STK33: variants seen among roughly 807,000 people sequenced by gnomAD.
STK33 encodes serine/threonine kinase 33.
In STK33, 52 loss-of-function variants were observed where a neutral mutation model predicts 58.0. That is an observed-to-expected ratio of 0.90 (90% CI 0.72 to 1.13). The LOEUF (loss-of-function observed/expected upper bound fraction) is 1.13, where lower values mean the gene tolerates loss of function less well. STK33 is among the 50% of genes most tolerant of loss of function. The probability of loss-of-function intolerance (pLI) is 0.00; values close to 1 mark genes in which losing one functional copy is unlikely to be tolerated. For synonymous variants in STK33, 215 were observed against 200.1 expected (o/e 1.07, Z -0.63); for missense variants, 630 against 604.2 (o/e 1.04, Z -0.45).
At chr11:8,467,197 G>C (rs948523293) in intron 6 of STK33, 3 of 152,214 alleles carry the variant, frequency 2.0e-5, no homozygotes, top group African/African-American at 7.2e-5. Flanking sequence ...TCTGCAGCCA[G>C]CTTGAATTTC....
intron 1 of STK33, among the ~76,000 whole-genome samples, chr11:8,508,446 A>G (rs1010238626): frequency 6.6e-6 from 1 of 151,546 alleles, no homozygotes; most frequent in Non-Finnish European, 1.5e-5. Flanking sequence ...GAATTTTTTA[A>G]TTTATTGCAG....
intron 11 of STK33, among the ~76,000 whole-genome samples, chr11:8,443,518 T>C (rs1185959407): frequency 2.0e-5 from 3 of 151,740 alleles, no homozygotes; most frequent in African/African-American, 7.3e-5. Flanking sequence ...AAAACACTTA[T>C]AAATAATTTT....
At chr11:8,469,269 T>C (rs1174071085) in intron 6 of STK33, among the ~76,000 whole-genome samples, 1 of 152,256 alleles carries the variant, frequency 6.6e-6, no homozygotes, top group Non-Finnish European at 1.5e-5. Flanking sequence ...GTTTATGTGA[T>C]ATTCTAAATT....
chr11:8,369,367 A>C, the STK33 span, among the ~76,000 whole-genome samples: 1 of 148,948 alleles, frequency 6.7e-6, no homozygotes, highest in African/African-American at 2.5e-5. Context: ...GTGCTATACG[A>C]TGGCACAGGC....
At chr11:8,506,505 T>C (rs920008381) in intron 1 of STK33, among the ~76,000 whole-genome samples, 3 of 152,182 alleles carry the variant, frequency 2.0e-5, no homozygotes, top group South Asian at 4.2e-4. Flanking sequence ...CATTCCTTTC[T>C]GGAGGCTTTA....
chr11:8,454,098 A>G (rs1030361212), intron 10 of STK33, among the ~76,000 whole-genome samples: 1 of 152,264 alleles, frequency 6.6e-6, no homozygotes, highest in African/African-American at 2.4e-5. Flanking sequence ...TGGGTAAACC[A>G]ACAATGCTGT....
intron 14 of STK33, among the ~76,000 whole-genome samples, chr11:8,415,073 C>T (rs1234195389): frequency 3.3e-5 from 5 of 151,986 alleles, no homozygotes; most frequent in African/African-American, 1.2e-4. Flanking sequence ...CCCTATGATC[C>T]ATCTCTCCTC....
intron 15 of STK33, among the ~76,000 whole-genome samples, chr11:8,397,401 C>G (rs1486317153): frequency 6.6e-6 from 1 of 152,210 alleles, no homozygotes; most frequent in Admixed American, 6.5e-5. Flanking sequence ...AGGTGAGGGT[C>G]CTGACTGTTA....
At position 8,461,804 on chromosome 11, in the gene STK33, C is replaced by G. The variant is rs1947556508; in HGVS notation, c.558+1G>C. 1.9e-6 allele frequency: 3 copies of G among 1,574,420 alleles called. No individual in the cohort carries two copies. In the African/African-American group the frequency reaches 4.1e-5, roughly 22 times the overall value. On this transcript the variant is annotated splice_donor_variant, in intron 8 of 15. Transcript: ENST00000687296. LOFTEE classifies it high-confidence loss of function. ...AAATGCAGCGCCTAATAGAGGTTTACCTTTGGCGTTTCAAATACTTGTTCC... is the reference window on the plus strand; with the variant it reads ...AAATGCAGCGCCTAATAGAGGTTTAGCTTTGGCGTTTCAAATACTTGTTCC...
intron 14 of STK33, among the ~76,000 whole-genome samples, chr11:8,432,258 A>G (rs2136184048): frequency 6.6e-6 from 1 of 152,334 alleles, no homozygotes; most frequent in South Asian, 2.1e-4. Flanking sequence ...GAACTTGTTA[A>G]AAATGTAAAT....
downstream of STK33, among the ~76,000 whole-genome samples, chr11:8,389,813 C>T (rs372407773): frequency 1.3e-5 from 2 of 152,254 alleles, no homozygotes; most frequent in East Asian, 1.9e-4. Flanking sequence ...ACACAACATT[C>T]CTACTCAAAA....
chr11:8,567,402 C>T (rs1172893018), intron 1 of STK33: 1 of 152,090 alleles, frequency 6.6e-6, no homozygotes, highest in Non-Finnish European at 1.5e-5. Context: ...CAGTTCAGTG[C>T]TATAATATTA....
rs187927316 is a variant in STK33, at chr11:8,493,456, C to G, written c.-465-12842G>C. ...GCTCTGAAATTGAGGCAATAATAAA[C>G]AGCCTACCAACCAAAAAATGTCCAG... On this transcript the variant is annotated intron_variant, in intron 1 of 15. Coordinates refer to ENST00000687296, the MANE Select transcript of STK33 (RefSeq NM_001352389.2). Among the ~76,000 whole-genome samples the G allele has an allele frequency of 7.9e-5, 12 of 152,118 alleles. No individual in the cohort carries two copies. In the East Asian group the frequency reaches 1.7e-3, roughly 22 times the overall value.
intron 7 of STK33, among the ~76,000 whole-genome samples, chr11:8,462,150 G>A (rs1947606822): frequency 6.6e-6 from 1 of 151,828 alleles, no homozygotes; most frequent in Non-Finnish European, 1.5e-5. Context: ...TTTGCCTCAA[G>A]CCACATCTGT....
intron 1 of STK33, among the ~76,000 whole-genome samples, chr11:8,534,384 T>C (rs577310284): frequency 1.3e-5 from 2 of 152,028 alleles, no homozygotes; most frequent in African/African-American, 2.4e-5. Flanking sequence ...TCCCCAAAAA[T>C]AGGAAGAACC....
At chr11:8,483,220 G>C (rs1276933575) in intron 1 of STK33, among the ~76,000 whole-genome samples, 2 of 152,080 alleles carry the variant, frequency 1.3e-5, no homozygotes, top group African/African-American at 4.8e-5. Flanking sequence ...CTGTGAACAC[G>C]TCAAGGAAAG....
the STK33 span, among the ~76,000 whole-genome samples, chr11:8,347,206 G>A: frequency 2.0e-5 from 3 of 152,158 alleles, no homozygotes; most frequent in African/African-American, 7.2e-5. Context: ...TGAATGCAGG[G>A]GGGAGCTCAC....
intron 15 of STK33, among the ~76,000 whole-genome samples, chr11:8,393,098 T>C (rs1285029204): frequency 6.6e-6 from 1 of 152,214 alleles, no homozygotes; most frequent in Non-Finnish European, 1.5e-5. Flanking sequence ...ATAATTATTC[T>C]TTCTAATCTG....
At chr11:8,508,780 A>G (rs1487698096) in intron 1 of STK33, among the ~76,000 whole-genome samples, 1 of 150,974 alleles carries the variant, frequency 6.6e-6, no homozygotes, top group Non-Finnish European at 1.5e-5. Flanking sequence ...CTCCCTAAAT[A>G]GGAGCTTGAA....
Sources: gnomAD v4.1 joint callset for allele counts (sites outside exome capture counted in the v4.1 genomes callset) on GRCh38, gnomAD v4.1.1 for gene constraint, MANE v1.5 for transcripts, NCBI Gene and HGNC (gene_info 2026-07-23, HGNC 2026-07-21) for gene names.